RIMS2: variants seen among roughly 807,000 people sequenced by gnomAD.
The protein encoded by RIMS2 is regulating synaptic membrane exocytosis protein 2.
In RIMS2, 59 loss-of-function variants were observed where a neutral mutation model predicts 174.4. The observed-to-expected ratio is 0.34, with a 90% confidence interval of 0.27 to 0.42. The LOEUF is 0.42. RIMS2 is among the 10% of genes least tolerant of loss of function. The pLI, the probability that RIMS2 is intolerant of heterozygous loss-of-function variation, is 1.00. For missense variants in RIMS2, 1,620 were observed against 1,666.3 expected (o/e 0.97, Z 0.48); for synonymous variants, 606 against 572.5 (o/e 1.06, Z -0.84).
chr8:103,967,061 G>A (rs2092020024), intron 15 of RIMS2, among the ~76,000 whole-genome samples: 2 of 150,824 alleles, frequency 1.3e-5, no homozygotes, highest in South Asian at 4.2e-4. Context: ...TGTATATGCT[G>A]CTAATTTTTG....
At chr8:104,171,057 T>A (rs1391435592) in intron 19 of RIMS2, among the ~76,000 whole-genome samples, 1 of 152,080 alleles carries the variant, frequency 6.6e-6, no homozygotes, top group Non-Finnish European at 1.5e-5. Context: ...ATAGGTTACC[T>A]GATGCTTTTA....
chr8:104,214,626 T>G (rs2099121597), intron 19 of RIMS2, among the ~76,000 whole-genome samples: 1 of 152,156 alleles, frequency 6.6e-6, no homozygotes, highest in African/African-American at 2.4e-5. Flanking sequence ...TTTTGTATTT[T>G]TGGTAGAGAC....
intron 3 of RIMS2, among the ~76,000 whole-genome samples, chr8:103,840,873 A>C (rs977753671): frequency 1.3e-5 from 2 of 152,212 alleles, no homozygotes; most frequent in Non-Finnish European, 2.9e-5. Flanking sequence ...CAAAAATATA[A>C]TTATAGCATA....
intron 1 of RIMS2, among the ~76,000 whole-genome samples, chr8:103,653,849 G>A (rs957234688): frequency 6.6e-6 from 1 of 152,094 alleles, no homozygotes; most frequent in African/African-American, 2.4e-5. Context: ...GGTCGTTGAA[G>A]TAGGGCCAGT....
Position 103,939,872 on chromosome 8 carries a change from G to C in RIMS2, c.2548-2901G>C, listed in dbSNP as rs140566383. 3.9e-5 allele frequency among the ~76,000 whole-genome samples: 6 copies of C among 152,178 alleles called. No homozygotes were observed. In the East Asian group the frequency reaches 1.2e-3, roughly 29 times the overall value. On this transcript the variant is annotated intron_variant, in intron 13 of 23. Coordinates refer to ENST00000504942, the Ensembl canonical transcript of RIMS2. ...CAGTCTCTTTGCTAAAACATAACAA[G>C]AATCACCTTTGCTGCAGTTCCCAAA...
At chr8:103,560,962 T>C (rs1283956259) in intron 1 of RIMS2, among the ~76,000 whole-genome samples, 1 of 152,200 alleles carries the variant, frequency 6.6e-6, no homozygotes, top group African/African-American at 2.4e-5. Context: ...CAACCAAAAA[T>C]TACTATCTGT....
At chr8:103,507,693 C>T (rs560259229) in intron 1 of RIMS2, among the ~76,000 whole-genome samples, 6 of 152,106 alleles carry the variant, frequency 3.9e-5, no homozygotes, top group African/African-American at 1.4e-4. Context: ...GGACTAAGAG[C>T]ATATCTTTTT....
At chr8:104,056,427 G>A (rs1466353874) in intron 19 of RIMS2, among the ~76,000 whole-genome samples, 1 of 151,758 alleles carries the variant, frequency 6.6e-6, no homozygotes, top group East Asian at 1.9e-4. Flanking sequence ...GAGTTTTGTA[G>A]CAGATGGAAT....
intron 1 of RIMS2, among the ~76,000 whole-genome samples, chr8:103,631,003 G>A (rs2095904784): frequency 6.6e-6 from 1 of 152,114 alleles, no homozygotes; most frequent in South Asian, 2.1e-4. Flanking sequence ...TAAGTTACTT[G>A]TAGATGTTGG....
intron 1 of RIMS2, among the ~76,000 whole-genome samples, chr8:103,672,059 A>T (rs2096751508): frequency 6.6e-6 from 1 of 152,216 alleles, no homozygotes; most frequent in Admixed American, 6.5e-5. Context: ...AAACAGGATC[A>T]CTAGTCACTG....
At chr8:103,873,873 T>C (rs1293147175) in intron 3 of RIMS2, among the ~76,000 whole-genome samples, 2 of 152,058 alleles carry the variant, frequency 1.3e-5, no homozygotes, top group African/African-American at 4.8e-5. Flanking sequence ...GAAAGCAACA[T>C]ACAGATTTTG....
At chr8:103,649,837 C>G (rs530780154) in intron 1 of RIMS2, among the ~76,000 whole-genome samples, 24 of 152,158 alleles carry the variant, frequency 1.6e-4, no homozygotes, top group Non-Finnish European at 2.4e-4. Flanking sequence ...TATCATGAGT[C>G]TTAGCTTCTT....
intron 19 of RIMS2, among the ~76,000 whole-genome samples, chr8:104,145,893 T>G (rs2133846442): frequency 6.6e-6 from 1 of 151,398 alleles, no homozygotes; most frequent in East Asian, 1.9e-4. Context: ...CTTATTTGCT[T>G]ACAACATTTT....
At chr8:103,723,629 G>A (rs2097484939) in intron 2 of RIMS2, among the ~76,000 whole-genome samples, 1 of 152,188 alleles carries the variant, frequency 6.6e-6, no homozygotes, top group South Asian at 2.1e-4. Flanking sequence ...CTGGGACTGT[G>A]GGTGCTGGCA....
chr8:103,513,830 T>C (rs1040125930), intron 1 of RIMS2, among the ~76,000 whole-genome samples: 11 of 152,168 alleles, frequency 7.2e-5, no homozygotes, highest in African/African-American at 2.4e-4. Flanking sequence ...AAAGGAAAAA[T>C]TGAAAATTAG....
chr8:103,950,115 A>T (rs953775789), intron 14 of RIMS2, among the ~76,000 whole-genome samples: 3 of 152,180 alleles, frequency 2.0e-5, no homozygotes, highest in African/African-American at 7.2e-5. Flanking sequence ...TATTTGAGAA[A>T]TGGAATTTGT....
At chr8:103,563,384 G>T (rs554811608) in intron 1 of RIMS2, among the ~76,000 whole-genome samples, 56 of 152,250 alleles carry the variant, frequency 3.7e-4, no homozygotes, top group Non-Finnish European at 7.6e-4. Flanking sequence ...AAGTTCCACA[G>T]ATCTCTAGGG....
chr8:103,783,165 C>A (rs550381520), intron 3 of RIMS2, among the ~76,000 whole-genome samples: 5 of 152,166 alleles, frequency 3.3e-5, no homozygotes, highest in African/African-American at 1.2e-4. Flanking sequence ...TGACAGAATT[C>A]ACTGCCTTGC....
chr8:103,600,017 A>T lies in RIMS2; in HGVS notation c.177-97069A>T, dbSNP rs549809458. Among the ~76,000 whole-genome samples, 32 of 152,140 alleles carry T rather than the reference A, an allele frequency of 2.1e-4. No individual in the cohort carries two copies. In the South Asian group the frequency reaches 6.6e-3, roughly 32 times the overall value. ...TTTCAAACTATTTTTTGTGTCCATT[A>T]ATCATCCTCATCTCCGCTAACCCCT... On this transcript the variant is annotated intron_variant, in intron 1 of 23. Coordinates refer to ENST00000504942, the Ensembl canonical transcript of RIMS2.
Sources: allele counts gnomAD v4.1 joint callset (sites outside exome capture counted in the v4.1 genomes callset), GRCh38; gene constraint gnomAD v4.1.1; transcripts MANE v1.5; gene names NCBI Gene and HGNC (gene_info 2026-07-23, HGNC 2026-07-21).